Variants in SGCZ observed in about 807,000 individuals in gnomAD.
The protein encoded by SGCZ is sarcoglycan zeta.
Under a neutral mutation model 41.3 loss-of-function variants are expected in SGCZ, and 40 were observed. The ratio of observed to expected loss-of-function variants is 0.97; its 90% confidence interval spans 0.75 to 1.26. The LOEUF is 1.26. SGCZ is among the 50% of genes most tolerant of loss of function. The probability of loss-of-function intolerance (pLI) is 0.00; values close to 1 mark genes in which losing one functional copy is unlikely to be tolerated. For synonymous variants in SGCZ, 206 were observed against 137.5 expected (o/e 1.50, Z -3.49); for missense variants, 552 against 369.8 (o/e 1.49, Z -4.04).
intron 2 of SGCZ, among the ~76,000 whole-genome samples, chr8:14,392,135 G>C (rs1804800225): frequency 6.6e-6 from 1 of 151,916 alleles, no homozygotes; most frequent in African/African-American, 2.4e-5. Flanking sequence ...TAATATTTCA[G>C]ATAAATCACA....
intron 1 of SGCZ, among the ~76,000 whole-genome samples, chr8:15,114,028 C>T (rs1209574282): frequency 6.6e-6 from 1 of 152,116 alleles, no homozygotes; most frequent in Non-Finnish European, 1.5e-5. Context: ...GGTATCTTTC[C>T]CTCCTTTTGT....
chr8:14,417,184 A>G (rs1799516597), intron 2 of SGCZ, among the ~76,000 whole-genome samples: 1 of 151,844 alleles, frequency 6.6e-6, no homozygotes, highest in East Asian at 1.9e-4. Flanking sequence ...AAGTAATTGT[A>G]ACATGGAAGA....
At chr8:14,445,102 G>C (rs1396432074) in intron 2 of SGCZ, among the ~76,000 whole-genome samples, 1 of 152,208 alleles carries the variant, frequency 6.6e-6, no homozygotes, top group Admixed American at 6.5e-5. Flanking sequence ...TGCTTTCAGA[G>C]AAATATCTTG....
chr8:14,261,893 T>C (rs908945960), intron 3 of SGCZ, among the ~76,000 whole-genome samples: 2 of 152,130 alleles, frequency 1.3e-5, no homozygotes, highest in Non-Finnish European at 2.9e-5. Flanking sequence ...AAAGCAAAAG[T>C]AGAGGAAAAG....
At chr8:14,364,562 G>T (rs12681201) in intron 2 of SGCZ, among the ~76,000 whole-genome samples, 7,037 of 152,034 alleles carry the variant, frequency 0.046, 245 homozygotes, top group Admixed American at 0.11. Flanking sequence ...ACCTCTCTAG[G>T]TAAACTGCTA....
intron 2 of SGCZ, among the ~76,000 whole-genome samples, chr8:14,508,886 G>C (rs566721826): frequency 2.0e-5 from 3 of 152,188 alleles, no homozygotes; most frequent in East Asian, 3.9e-4. Context: ...GTGAAATTAG[G>C]ATTAACTAAA....
intron 1 of SGCZ, among the ~76,000 whole-genome samples, chr8:15,034,258 C>T (rs1003232823): frequency 1.3e-5 from 2 of 151,826 alleles, no homozygotes; most frequent in Non-Finnish European, 2.9e-5. Context: ...ATAAATTTAG[C>T]AGAGATATAA....
intron 1 of SGCZ, among the ~76,000 whole-genome samples, chr8:14,788,836 C>T (rs574279802): frequency 6.6e-6 from 1 of 152,190 alleles, no homozygotes; most frequent in East Asian, 1.9e-4. Flanking sequence ...TTAGACCAGG[C>T]ACAGTGGCTC....
intron 2 of SGCZ, among the ~76,000 whole-genome samples, chr8:14,476,599 C>A (rs1801369108): frequency 6.6e-6 from 1 of 152,076 alleles, no homozygotes; most frequent in Non-Finnish European, 1.5e-5. Context: ...GGCTAATGGT[C>A]AATCAGAGTT....
At position 14,158,168 on chromosome 8, in the gene SGCZ, A is replaced by G. The variant is rs115809320; in HGVS notation, c.547+6412T>C. ...TTATAATGGTCCTTTAATAGAAGAA[A>G]AAACAAGCCTAGAGAGATTCATACT... On this transcript the variant is annotated intron_variant, in intron 5 of 7. Coordinates refer to ENST00000382080, the MANE Select transcript of SGCZ (RefSeq NM_139167.4). 3.1e-3 allele frequency among the ~76,000 whole-genome samples: 479 copies of G among 152,302 alleles called. 5 individuals are homozygous for G. The highest frequency in any genetic ancestry group is 0.024 in the Middle Eastern group (7 of 294).
intron 2 of SGCZ, among the ~76,000 whole-genome samples, chr8:14,346,751 T>C (rs1802903138): frequency 6.6e-6 from 1 of 152,090 alleles, no homozygotes; most frequent in African/African-American, 2.4e-5. Flanking sequence ...ATATATTTAA[T>C]AATTTTTGTA....
At chr8:14,865,885 G>C (rs1346717027) in intron 1 of SGCZ, among the ~76,000 whole-genome samples, 2 of 152,090 alleles carry the variant, frequency 1.3e-5, no homozygotes, top group Non-Finnish European at 2.9e-5. Flanking sequence ...TACTTATGGA[G>C]TTAGGTGCTT....
chr8:14,439,327 A>ATC (rs200809644), intron 2 of SGCZ, among the ~76,000 whole-genome samples: 5,289 of 149,422 alleles, frequency 0.035, 302 homozygotes, highest in African/African-American at 0.12. Context: ...ATATATATAT[A>ATC]TATCTCCTCA....
chr8:14,647,898 T>G (rs12542237), intron 1 of SGCZ, among the ~76,000 whole-genome samples: 29,723 of 151,824 alleles, frequency 0.2, 3,399 homozygotes, highest in East Asian at 0.6. Flanking sequence ...CAACATTTCA[T>G]TATTTAATTC....
intron 1 of SGCZ, among the ~76,000 whole-genome samples, chr8:15,163,211 T>G (rs1238475006): frequency 6.6e-6 from 1 of 152,218 alleles, no homozygotes; most frequent in Non-Finnish European, 1.5e-5. Context: ...ATAACATTTA[T>G]CATGTGTCGG....
At chr8:14,404,157 T>C (rs775902072) in intron 2 of SGCZ, among the ~76,000 whole-genome samples, 1 of 152,188 alleles carries the variant, frequency 6.6e-6, no homozygotes, top group Non-Finnish European at 1.5e-5. Flanking sequence ...AATTTTACTC[T>C]CATAACAATC....
intron 3 of SGCZ, among the ~76,000 whole-genome samples, chr8:14,322,284 A>G (rs953977999): frequency 2.0e-5 from 3 of 152,136 alleles, no homozygotes; most frequent in African/African-American, 4.8e-5. Context: ...GAAGGAAGAC[A>G]CAGGAAGGAC....
intron 1 of SGCZ, among the ~76,000 whole-genome samples, chr8:14,933,553 T>C (rs1799987958): frequency 1.3e-5 from 2 of 148,660 alleles, no homozygotes; most frequent in South Asian, 4.4e-4. Context: ...TGCCTCAGCC[T>C]CCAGAGTAGC....
chr8:14,480,753 T>A (rs182516348), intron 2 of SGCZ, among the ~76,000 whole-genome samples: 222 of 152,146 alleles, frequency 1.5e-3, no homozygotes, highest in African/African-American at 5.0e-3. Context: ...AAAGAATATA[T>A]TTATAATAAC....
Sources: gnomAD v4.1 joint callset for allele counts (sites outside exome capture counted in the v4.1 genomes callset) on GRCh38, gnomAD v4.1.1 for gene constraint, MANE v1.5 for transcripts, NCBI Gene and HGNC (gene_info 2026-07-23, HGNC 2026-07-21) for gene names.